The following EXOC2 variants were observed in gnomAD, a reference collection of about 807,000 sequenced individuals.
The protein encoded by EXOC2 is exocyst complex component 2, also known as SEC5-like 1.
A neutral mutation model predicts 131.8 loss-of-function variants in EXOC2; 70 were observed. The observed-to-expected ratio is 0.53, with a 90% CI of 0.44 to 0.65. EXOC2 has a LOEUF of 0.65. EXOC2 is among the 30% of genes least tolerant of loss of function. The pLI is 0.00. For synonymous variants in EXOC2, 411 were observed against 398.4 expected, an observed-to-expected ratio of 1.03 and a Z score of -0.38; for missense variants, 923 against 1,108.6, an observed-to-expected ratio of 0.83 and a Z score of 2.38.
intron 1 of EXOC2, chr6:655,989 A>C: frequency 2.7e-6 from 2 of 730,226 alleles, no homozygotes; most frequent in Non-Finnish European, 4.6e-6. Flanking sequence ...AGGGCTCAAC[A>C]AAATATACGC....
chr6:641,986 C>T (rs1762374947), intron 1 of EXOC2, among the ~76,000 whole-genome samples: 1 of 152,144 alleles, frequency 6.6e-6, no homozygotes, highest in Admixed American at 6.5e-5. Context: ...ACCTCCTCCA[C>T]ATCCCGTTCA....
chr6:577,143 A>G (rs1398399367), intron 11 of EXOC2, among the ~76,000 whole-genome samples: 2 of 152,254 alleles, frequency 1.3e-5, no homozygotes, highest in African/African-American at 4.8e-5. Context: ...TTGCAAAACA[A>G]CTTTTGGCAC....
chr6:546,985 T>C (rs1756899891), intron 22 of EXOC2, among the ~76,000 whole-genome samples: 1 of 152,198 alleles, frequency 6.6e-6, no homozygotes, highest in Non-Finnish European at 1.5e-5. Context: ...CCAGAAAGCA[T>C]TCCGGATTTA....
chr6:657,449 TGGTGAAACAA>T (rs2127752121), intron 1 of EXOC2, among the ~76,000 whole-genome samples: 1 of 151,520 alleles, frequency 6.6e-6, no homozygotes, highest in African/African-American at 2.4e-5. Flanking sequence ...CTTTCCATGC[TGGTGAAACAA>T]ATCTACACCA....
chr6:556,344 A>T lies in EXOC2; in HGVS notation c.1932+140T>A, dbSNP rs1238647552. 8 of 863,024 alleles carry T rather than the reference A, an allele frequency of 9.3e-6. No homozygotes were observed. In the Admixed American group the frequency reaches 2.0e-4, roughly 21 times the overall value. The allele number at this position is 863,024 out of a possible 1,614,324, so 53.5% of individuals were successfully genotyped here. On this transcript the variant is annotated intron_variant, in intron 18 of 27. Coordinates refer to ENST00000230449, the MANE Select transcript of EXOC2 (RefSeq NM_018303.6). ...GCCTGGCTTGGAATCGGAAATCAGC[A>T]CATCTACGCAGTTAAACTAAATGGA... is the stretch of plus-strand genomic sequence containing the variant.
At chr6:495,802 T>C (rs1490174319) in intron 25 of EXOC2, among the ~76,000 whole-genome samples, 1 of 152,236 alleles carries the variant, frequency 6.6e-6, no homozygotes, top group Non-Finnish European at 1.5e-5. Flanking sequence ...TCCTTTCATG[T>C]GGCTGATGGG....
intron 11 of EXOC2, among the ~76,000 whole-genome samples, chr6:586,288 T>G (rs367953888): frequency 6.6e-6 from 1 of 152,128 alleles, no homozygotes; most frequent in Non-Finnish European, 1.5e-5. Context: ...AAGCTTTACA[T>G]CCAATGTATG....
chr6:555,394 A>T, intron 19 of EXOC2, 106 bp from the exon 20 acceptor site: 2 of 625,838 alleles, frequency 3.2e-6, no homozygotes, highest in Admixed American at 2.9e-5. Flanking sequence ...TATATATCTC[A>T]TTAGTGGTGT....
At chr6:542,162 T>C (rs1446778154) in intron 22 of EXOC2, among the ~76,000 whole-genome samples, 4 of 152,350 alleles carry the variant, frequency 2.6e-5, no homozygotes, top group Non-Finnish European at 2.9e-5. Context: ...CAAGTGGACA[T>C]AAGGCCTCTG....
chr6:591,409 T>C (rs1759535139), intron 11 of EXOC2, among the ~76,000 whole-genome samples: 1 of 152,150 alleles, frequency 6.6e-6, no homozygotes, highest in East Asian at 1.9e-4. Context: ...AGAGGCCTTC[T>C]TGTGCTTGTA....
At chr6:539,159 T>G (rs970498419) in intron 22 of EXOC2, among the ~76,000 whole-genome samples, 1 of 152,100 alleles carries the variant, frequency 6.6e-6, no homozygotes, top group Non-Finnish European at 1.5e-5. Flanking sequence ...GGTAGCCCCA[T>G]CATAAGTTCA....
intron 1 of EXOC2, among the ~76,000 whole-genome samples, chr6:659,716 G>A (rs1425012063): frequency 1.3e-5 from 2 of 152,240 alleles, no homozygotes; most frequent in African/African-American, 4.8e-5. Flanking sequence ...GGAGCTCACT[G>A]TGTCCCCTTG....
chr6:649,930 A>G (rs1044585963), intron 1 of EXOC2, among the ~76,000 whole-genome samples: 3 of 152,220 alleles, frequency 2.0e-5, no homozygotes, highest in Non-Finnish European at 4.4e-5. Flanking sequence ...ACAATGGAAG[A>G]TGCTTAAATA....
intron 23 of EXOC2, among the ~76,000 whole-genome samples, chr6:531,368 G>A (rs1450936866): frequency 2.2e-5 from 2 of 90,736 alleles, no homozygotes; most frequent in Non-Finnish European, 4.1e-5. Flanking sequence ...TTGAGGGTAT[G>A]AACTGAATGT....
intron 10 of EXOC2, among the ~76,000 whole-genome samples, chr6:594,927 C>G (rs372995936): frequency 2.0e-5 from 3 of 151,774 alleles, no homozygotes; most frequent in African/African-American, 7.3e-5. Flanking sequence ...ATTAAGAACA[C>G]TTTAAAAAGG....
intron 6 of EXOC2, among the ~76,000 whole-genome samples, chr6:610,410 C>T (rs1406831994): frequency 1.3e-5 from 2 of 152,116 alleles, no homozygotes; most frequent in African/African-American, 4.8e-5. Flanking sequence ...TCTTCAAGAA[C>T]AAGTGGTAAA....
At chr6:516,587 A>G (rs1283518579) in intron 23 of EXOC2, among the ~76,000 whole-genome samples, 1 of 152,234 alleles carries the variant, frequency 6.6e-6, no homozygotes, top group Non-Finnish European at 1.5e-5. Flanking sequence ...TAAACTGTTT[A>G]AGAACAGCAA....
At position 572,643 on chromosome 6, in the gene EXOC2, C is replaced by T. The variant is rs993732783; in HGVS notation, c.1320G>A (p.Thr440=). The change falls in exon 13 of 28, where the codon ACG becomes ACA. Residue 440 remains threonine (T), a splice_region_variant and synonymous_variant. Coordinates refer to ENST00000230449, the MANE Select transcript of EXOC2 (RefSeq NM_018303.6). ...CCCTGTGGGGAGTTTTGTATCTCCA[C>T]GCTAAGGGGGAAAAGAATAAAATAC... is the stretch of plus-strand genomic sequence containing the variant. ...GSSFQSGRDD[T]WRYKTPHRVA... 10 of 1,611,608 alleles carry T rather than the reference C, an allele frequency of 6.2e-6. No homozygotes were observed. Among genetic ancestry groups the T allele is most frequent in the African/African-American group, 5.4e-5 (4 of 74,622 alleles).
chr6:684,339 T>C (rs546030896), intron 1 of EXOC2, among the ~76,000 whole-genome samples: 3 of 152,308 alleles, frequency 2.0e-5, no homozygotes, highest in South Asian at 4.1e-4. Flanking sequence ...TGTGTAGTCT[T>C]GACCTGTACT....
Sources: gnomAD v4.1 joint callset for allele counts (sites outside exome capture counted in the v4.1 genomes callset) on GRCh38, gnomAD v4.1.1 for gene constraint, MANE v1.5 for transcripts, NCBI Gene and HGNC (gene_info 2026-07-23, HGNC 2026-07-21) for gene names.